RGS7: variants seen among roughly 807,000 people sequenced by gnomAD.
RGS7 encodes regulator of G protein signaling 7.
A neutral mutation model predicts 81.1 loss-of-function variants in RGS7; 27 were observed. The observed-to-expected ratio is 0.33, with a 90% confidence interval of 0.25 to 0.46. The LOEUF (loss-of-function observed/expected upper bound fraction) is 0.46. Among genes scored for constraint, RGS7 ranks in the 20% least tolerant of loss-of-function variants. The probability of loss-of-function intolerance (pLI) is 1.00; values close to 1 mark genes in which losing one functional copy is unlikely to be tolerated. For missense variants in RGS7, 396 were observed against 607.4 expected (o/e 0.65, Z 3.66); for synonymous variants, 208 against 207.7 (o/e 1.00, Z -0.01).
At chr1:241,059,720 C>T (rs2061649141) in intron 3 of RGS7, among the ~76,000 whole-genome samples, 2 of 150,824 alleles carry the variant, frequency 1.3e-5, no homozygotes, top group South Asian at 4.1e-4. Context: ...AAGAACTCTG[C>T]TACCTGTGGT....
chr1:240,844,936 T>C (rs1178373448), intron 9 of RGS7, among the ~76,000 whole-genome samples: 1 of 152,208 alleles, frequency 6.6e-6, no homozygotes, highest in Non-Finnish European at 1.5e-5. Flanking sequence ...TTCCTATTGA[T>C]TTCAACCTAA....
chr1:241,172,551 G>A (rs2103264933), intron 2 of RGS7, among the ~76,000 whole-genome samples: 1 of 152,114 alleles, frequency 6.6e-6, no homozygotes, highest in South Asian at 2.1e-4. Flanking sequence ...AAGGCTAGGG[G>A]GATAGCAAAT....
intron 18 of RGS7, among the ~76,000 whole-genome samples, chr1:240,795,274 T>A (rs1476155813): frequency 2.0e-5 from 3 of 152,192 alleles, no homozygotes; most frequent in East Asian, 1.9e-4. Flanking sequence ...AAAGTATCCT[T>A]CAAGTTTTCA....
intron 3 of RGS7, among the ~76,000 whole-genome samples, chr1:241,045,620 T>C (rs2060883238): frequency 6.6e-6 from 1 of 152,166 alleles, no homozygotes; most frequent in African/African-American, 2.4e-5. Flanking sequence ...TGTCTCAGCC[T>C]CCCAAACTGC....
Position 241,118,446 on chromosome 1 carries a change from A to AT in RGS7, c.79-19685dup, listed in dbSNP as rs565385389. Among the ~76,000 whole-genome samples, 17 of 152,216 alleles carry AT rather than the reference A, an allele frequency of 1.1e-4. 1 individual carries two copies. The highest frequency in any genetic ancestry group is 6.5e-4 in the Admixed American group (10 of 15,284). On this transcript the variant is annotated intron_variant, in intron 2 of 18. Coordinates refer to ENST00000440928, the MANE Select transcript of RGS7 (RefSeq NM_001364886.1). ...AAAAATTATTGAGAATCCCAAAGAG[A>AT]TTTTTTTTAAAAAATCAAATAGGCT...
chr1:241,226,627 C>T (rs899599063), intron 2 of RGS7, among the ~76,000 whole-genome samples: 2 of 152,138 alleles, frequency 1.3e-5, no homozygotes, highest in Non-Finnish European at 2.9e-5. Flanking sequence ...GATTCCATTA[C>T]AATGATGGTG....
rs200280485 is a variant in RGS7, at chr1:240,838,770, A to AT, written c.610-11599dup. 8.1e-3 allele frequency among the ~76,000 whole-genome samples: 1,158 copies of AT among 142,864 alleles called. 6 individuals are homozygous for AT. The highest frequency in any genetic ancestry group is 0.023 in the East Asian group (111 of 4,926). The allele number at this position is 142,864 out of a possible 152,430, so 93.7% of individuals were successfully genotyped here. On this transcript the variant is annotated intron_variant, in intron 9 of 18. Transcript: ENST00000440928. ...TTGAGGACAATGCTTATTTTTTATT[A>AT]TTTTTTTTTTTTTTGAGACAGAGTC...
chr1:241,137,194 G>A (rs919699758), intron 2 of RGS7, among the ~76,000 whole-genome samples: 4 of 151,908 alleles, frequency 2.6e-5, no homozygotes, highest in Non-Finnish European at 4.4e-5. Flanking sequence ...ATCAAAGACC[G>A]TATTTTATTG....
At chr1:241,265,273 T>A (rs2077526893) in intron 2 of RGS7, among the ~76,000 whole-genome samples, 2 of 152,352 alleles carry the variant, frequency 1.3e-5, no homozygotes, top group South Asian at 4.1e-4. Flanking sequence ...TACTCGGCCA[T>A]CTCCATAATC....
intron 2 of RGS7, among the ~76,000 whole-genome samples, chr1:241,351,575 T>C (rs185915264): frequency 2.0e-5 from 3 of 152,316 alleles, no homozygotes; most frequent in East Asian, 3.9e-4. Flanking sequence ...CCAAAAGGCA[T>C]TGTTTCCTCC....
intron 9 of RGS7, among the ~76,000 whole-genome samples, chr1:240,852,465 C>T (rs936659125): frequency 2.0e-5 from 3 of 151,862 alleles, no homozygotes; most frequent in Non-Finnish European, 2.9e-5. Context: ...TTATTTCTGT[C>T]ATCTGGAATT....
intron 2 of RGS7, among the ~76,000 whole-genome samples, chr1:241,138,491 C>T (rs995932758): frequency 3.3e-5 from 5 of 152,118 alleles, no homozygotes; most frequent in Admixed American, 1.3e-4. Flanking sequence ...CAGCATGCAG[C>T]CCTCAGGGGG....
At chr1:241,028,722 T>C (rs1023107710) in intron 3 of RGS7, among the ~76,000 whole-genome samples, 2 of 152,020 alleles carry the variant, frequency 1.3e-5, no homozygotes, top group Admixed American at 6.6e-5. Context: ...TTAGGATAAG[T>C]TGAAAAGCAA....
chr1:240,906,746 A>G (rs1670882629), intron 6 of RGS7, among the ~76,000 whole-genome samples: 1 of 152,192 alleles, frequency 6.6e-6, no homozygotes, highest in Non-Finnish European at 1.5e-5. Context: ...TTAGAAAAAC[A>G]TTTCTTGGCT....
intron 2 of RGS7, among the ~76,000 whole-genome samples, chr1:241,219,214 G>A (rs2074752051): frequency 6.6e-6 from 1 of 152,136 alleles, no homozygotes. Flanking sequence ...GGGACTCAGT[G>A]GGAGGTAACT....
chr1:240,999,824 A>C (rs1184766042), intron 3 of RGS7, among the ~76,000 whole-genome samples: 1 of 152,012 alleles, frequency 6.6e-6, no homozygotes, highest in African/African-American at 2.4e-5. Flanking sequence ...GCTGTTCCCA[A>C]ACTCTTGGCC....
chr1:241,299,324 T>A (rs1042756885), intron 2 of RGS7, among the ~76,000 whole-genome samples: 3 of 152,066 alleles, frequency 2.0e-5, no homozygotes, highest in Non-Finnish European at 4.4e-5. Flanking sequence ...ACTGACCATA[T>A]CTTGTGTGCC....
chr1:241,140,316 C>T (rs1204671007), intron 2 of RGS7, among the ~76,000 whole-genome samples: 1 of 152,172 alleles, frequency 6.6e-6, no homozygotes, highest in African/African-American at 2.4e-5. Flanking sequence ...CCTCTCATAC[C>T]TTCAGGGTTA....
At chr1:241,303,690 GA>G (rs1374649980) in intron 2 of RGS7, among the ~76,000 whole-genome samples, 3 of 152,086 alleles carry the variant, frequency 2.0e-5, no homozygotes, top group African/African-American at 4.8e-5. Flanking sequence ...GAATCCATAG[GA>G]TCCCCAACAT....
Sources: gnomAD v4.1 joint callset for allele counts (sites outside exome capture counted in the v4.1 genomes callset) on GRCh38, gnomAD v4.1.1 for gene constraint, MANE v1.5 for transcripts, NCBI Gene and HGNC (gene_info 2026-07-23, HGNC 2026-07-21) for gene names.